TBC1D1: variants seen among roughly 807,000 people sequenced by gnomAD.
The protein encoded by TBC1D1 is TBC1 (tre-2/USP6, BUB2, cdc16) domain family, member 1.
TBC1D1 carries 89 observed loss-of-function variants against 125.6 expected under a neutral mutation model. The ratio of observed to expected loss-of-function variants is 0.71; its 90% CI spans 0.60 to 0.85. The LOEUF (loss-of-function observed/expected upper bound fraction) is 0.85. Among genes scored for constraint, TBC1D1 ranks in the 40% least tolerant of loss-of-function variants. The probability of loss-of-function intolerance (pLI) is 0.00; values close to 1 mark genes in which losing one functional copy is unlikely to be tolerated. For missense variants in TBC1D1, 1,377 were observed against 1,469.2 expected, an observed-to-expected ratio of 0.94 and a Z score of 1.03; for synonymous variants, 565 against 564.1, an observed-to-expected ratio of 1.00 and a Z score of -0.02.
rs540156102 is a variant in TBC1D1 at position 38,044,366 on chromosome 4, C to T, written c.1418C>T (p.Ser473Leu). 41 of 1,598,798 alleles carry T rather than the reference C, an allele frequency of 2.6e-5. No homozygotes were observed. Among genetic ancestry groups the T allele is most frequent in the East Asian group, 1.1e-4 (5 of 44,716 alleles). ...TTTCGTTTTTCACTTTTTTAGACAT[C>T]GCAGATGGCAGCAGAGAATATTGGA... The change falls in exon 9 of 20, where the codon TCG becomes TTG. Residue 473 changes from serine (S) to leucine (L), a missense_variant. Around this residue, in one of 3 missense-constraint regions of TBC1D1, gnomAD observed 822 missense variants for 824.6 expected, o/e 1.00. Transcript: ENST00000261439.
In TBC1D1 at chr4:37,995,970, T is replaced by G; in HGVS notation, c.418-18539T>G. On this transcript the variant is annotated intron_variant, in intron 2 of 19. Coordinates refer to ENST00000261439, the MANE Select transcript of TBC1D1 (RefSeq NM_015173.4). This position sits in a 1 kb window ranked among gnomAD's most constrained non-coding sequence, Gnocchi z 4.3. ...AAGGACTTCTTTCTTCTCTTGCCTC[T>G]CTGTTTCTACCTCATCCTTGGGTGG... 1 of 554,836 alleles carries G rather than the reference T, an allele frequency of 1.8e-6. No homozygotes were observed. The highest frequency in any genetic ancestry group is 1.9e-5 in the Admixed American group (1 of 52,306). The allele number at this position is 554,836 out of a possible 1,614,324, so 34.4% of individuals were successfully genotyped here. A position where few individuals can be genotyped will look rare whatever the true frequency, so the allele number is the denominator to read the frequency against.
intron 2 of TBC1D1, among the ~76,000 whole-genome samples, chr4:37,915,005 T>G (rs530792065): frequency 6.6e-6 from 1 of 152,354 alleles, no homozygotes; most frequent in East Asian, 1.9e-4. Flanking sequence ...ATTGTCCAAA[T>G]TATCTCGTTC....
At chr4:38,117,483 G>C (rs1763166276) in intron 16 of TBC1D1, among the ~76,000 whole-genome samples, 1 of 152,158 alleles carries the variant, frequency 6.6e-6, no homozygotes, top group South Asian at 2.1e-4. Flanking sequence ...TTGTCTTCTT[G>C]TTTTAACTTG....
chr4:38,094,415 A>G (rs1385698217), intron 13 of TBC1D1, among the ~76,000 whole-genome samples: 1 of 152,150 alleles, frequency 6.6e-6, no homozygotes, highest in Non-Finnish European at 1.5e-5. Flanking sequence ...CAAGCTTACA[A>G]ACCGCATGGG....
chr4:37,938,231 G>A (rs748164097), intron 2 of TBC1D1, among the ~76,000 whole-genome samples: 2 of 152,058 alleles, frequency 1.3e-5, no homozygotes, highest in African/African-American at 2.4e-5. Context: ...AAAATTATAT[G>A]TACGTACCTA....
At chr4:37,905,809 G>C (rs1185444003) in intron 2 of TBC1D1, among the ~76,000 whole-genome samples, 4 of 152,184 alleles carry the variant, frequency 2.6e-5, no homozygotes, top group Non-Finnish European at 4.4e-5. Context: ...TTGATCTTTA[G>C]GATTGCGCTG....
chr4:37,947,363 G>T (rs1033062661), intron 2 of TBC1D1, among the ~76,000 whole-genome samples: 3 of 152,000 alleles, frequency 2.0e-5, no homozygotes, highest in African/African-American at 7.3e-5. Flanking sequence ...CACTATGTTG[G>T]CCAGGCTGAT....
intron 2 of TBC1D1, among the ~76,000 whole-genome samples, chr4:37,932,057 T>A (rs1723377208): frequency 6.6e-6 from 1 of 152,074 alleles, no homozygotes; most frequent in Non-Finnish European, 1.5e-5. Context: ...CATCTGTCAT[T>A]GTTTTTCCCC....
At chr4:38,077,008 G>C (rs985034584) in intron 12 of TBC1D1, among the ~76,000 whole-genome samples, 2 of 152,026 alleles carry the variant, frequency 1.3e-5, no homozygotes, top group Admixed American at 1.3e-4. Flanking sequence ...TCAGATTTAG[G>C]CTCCGTTTTT....
chr4:37,899,982 G>A (rs971284646), intron 1 of TBC1D1, among the ~76,000 whole-genome samples: 2 of 152,128 alleles, frequency 1.3e-5, no homozygotes, highest in Non-Finnish European at 2.9e-5. Flanking sequence ...TTAGCCGGGC[G>A]CGGTGGCAGG....
At chr4:38,074,773 T>TA (rs1034051071) in intron 12 of TBC1D1, among the ~76,000 whole-genome samples, 3 of 151,936 alleles carry the variant, frequency 2.0e-5, no homozygotes, top group African/African-American at 7.3e-5. Context: ...TCTTTTTTTT[T>TA]TTTTTTGAGA....
At chr4:38,015,301 A>G (rs185273936) in intron 3 of TBC1D1, among the ~76,000 whole-genome samples, 15 of 152,322 alleles carry the variant, frequency 9.8e-5, no homozygotes, top group Non-Finnish European at 1.6e-4. Flanking sequence ...CAGATGATAT[A>G]TTTCAACAGA....
At chr4:38,029,295 G>T (rs760617132) in intron 7 of TBC1D1, among the ~76,000 whole-genome samples, 11 of 152,048 alleles carry the variant, frequency 7.2e-5, no homozygotes, top group Non-Finnish European at 1.3e-4. Context: ...CTTCCTCACT[G>T]GGAAAAGACT....
intron 12 of TBC1D1, among the ~76,000 whole-genome samples, chr4:38,087,194 A>T (rs2152534348): frequency 6.6e-6 from 1 of 152,384 alleles, no homozygotes; most frequent in East Asian, 1.9e-4. Flanking sequence ...GAGACAGCTT[A>T]GGTCTTAAAT....
rs112923703 is a variant in TBC1D1, at chr4:38,086,894, G to T, written c.2051-3038G>T. ...CCCAGTGAGGCTTGTGCATGTAGAA[G>T]TTAGAGAAGCACGGGGTAAACTCTT... On this transcript the variant is annotated intron_variant, in intron 12 of 19. Coordinates refer to ENST00000261439, the MANE Select transcript of TBC1D1 (RefSeq NM_015173.4). 7.2e-3 allele frequency among the ~76,000 whole-genome samples: 1,102 copies of T among 152,290 alleles called. 3 individuals are homozygous for T. Among genetic ancestry groups the T allele is most frequent in the Non-Finnish European group, 0.013 (876 of 68,038 alleles).
At chr4:38,073,083 A>G (rs1265220390) in intron 12 of TBC1D1, among the ~76,000 whole-genome samples, 1 of 152,160 alleles carries the variant, frequency 6.6e-6, no homozygotes, top group Admixed American at 6.5e-5. Flanking sequence ...AGCTATGAAC[A>G]TGGGTGTGCA....
intron 3 of TBC1D1, among the ~76,000 whole-genome samples, chr4:38,017,739 G>A (rs1278692752): frequency 6.6e-6 from 1 of 152,140 alleles, no homozygotes. Context: ...GAAGCTTAGC[G>A]CTCCAGAGAC....
chr4:37,998,412 C>T (rs1738285294), intron 2 of TBC1D1, among the ~76,000 whole-genome samples: 1 of 152,190 alleles, frequency 6.6e-6, no homozygotes, highest in Non-Finnish European at 1.5e-5. Context: ...CAAACCTGGC[C>T]AAGTCCCCAC....
chr4:37,925,446 G>T (rs1443716284), intron 2 of TBC1D1, among the ~76,000 whole-genome samples: 1 of 152,094 alleles, frequency 6.6e-6, no homozygotes, highest in Non-Finnish European at 1.5e-5. Flanking sequence ...GACTGGTTGT[G>T]GTGGCTTACG....
Sources: allele counts gnomAD v4.1 joint callset (sites outside exome capture counted in the v4.1 genomes callset), GRCh38; gene constraint gnomAD v4.1.1; regional missense constraint gnomAD v4.1.1; non-coding constraint Gnocchi (gnomAD v3.1); transcripts MANE v1.5; gene names NCBI Gene and HGNC (gene_info 2026-07-23, HGNC 2026-07-21).